The following ALDH1L1 variants were observed in gnomAD, a reference collection of about 807,000 sequenced individuals.
ALDH1L1 encodes cytosolic 10-formyltetrahydrofolate dehydrogenase.
ALDH1L1 carries 68 observed loss-of-function variants against 101.1 expected under a neutral mutation model. The observed-to-expected ratio is 0.67, with a 90% CI of 0.55 to 0.82. ALDH1L1 has a LOEUF of 0.82. Ranked by LOEUF, ALDH1L1 falls within the 40% of genes least tolerant of loss-of-function variation. ALDH1L1 has a pLI of 0.00. For missense variants in ALDH1L1, 1,087 were observed against 1,172.7 expected (o/e 0.93, Z 1.07); for synonymous variants, 486 against 470.8 (o/e 1.03, Z -0.42).
chr3:126,192,363 T>G lies in ALDH1L1; in HGVS notation c.-24+5372A>C, dbSNP rs1220142272. Reference sequence around the variant, plus strand: ...ATATTAGGATAATTTACATAAAGGTTTAGAATGATCGGTTTAGACTTTTAT... The same window carrying G: ...ATATTAGGATAATTTACATAAAGGTGTAGAATGATCGGTTTAGACTTTTAT... On this transcript the variant is annotated intron_variant, in intron 1 of 2. Coordinates refer to the ALDH1L1 transcript ENST00000509952. 2.0e-5 allele frequency among the ~76,000 whole-genome samples: 3 copies of G among 152,218 alleles called. No homozygotes were observed. In the East Asian group the frequency reaches 5.8e-4, roughly 29 times the overall value.
chr3:126,150,637 C>T (rs1559953994), intron 7 of ALDH1L1, 106 bp from the exon 8 acceptor site: 2 of 1,341,050 alleles, frequency 1.5e-6, no homozygotes, highest in Non-Finnish European at 2.0e-6. Context: ...TCACTACAAC[C>T]TCCGCCTCCC....
intron 20 of ALDH1L1, among the ~76,000 whole-genome samples, chr3:126,108,685 A>G (rs2108173105): frequency 6.6e-6 from 1 of 152,332 alleles, no homozygotes; most frequent in South Asian, 2.1e-4. Flanking sequence ...CTGTGAGCTG[A>G]AGAAGCAGGA....
intron 15 of ALDH1L1, among the ~76,000 whole-genome samples, chr3:126,125,272 G>C (rs1290369572): frequency 2.0e-5 from 3 of 152,206 alleles, no homozygotes; most frequent in Non-Finnish European, 4.4e-5. Context: ...CAGCTTTATG[G>C]ATAGACTACT....
At chr3:126,179,513 A>G (rs1431578185) in intron 1 of ALDH1L1, among the ~76,000 whole-genome samples, 1 of 151,902 alleles carries the variant, frequency 6.6e-6, no homozygotes, top group Non-Finnish European at 1.5e-5. Flanking sequence ...CAAACAAACA[A>G]ACAAACAGCA....
upstream of ALDH1L1, among the ~76,000 whole-genome samples, chr3:126,183,546 CCA>C (rs905781045): frequency 2.0e-5 from 3 of 152,106 alleles, no homozygotes; most frequent in Non-Finnish European, 4.4e-5. Context: ...CACTCTGGGG[CCA>C]GAGTCAGACT....
In ALDH1L1 at chr3:126,147,309, G is replaced by T. The variant is rs549413298; in HGVS notation, c.985-383C>A. ...GACCCCCACTCACCTTGGTGCTAGC[G>T]CCCAGGTTCTGGTGTCCCTAGTGTG... On this transcript the variant is annotated intron_variant, in intron 8 of 22. Coordinates refer to ENST00000393434, the MANE Select transcript of ALDH1L1 (RefSeq NM_012190.4). 1.3e-4 allele frequency among the ~76,000 whole-genome samples: 20 copies of T among 152,314 alleles called. No individual in the cohort carries two copies. In the East Asian group the frequency reaches 3.7e-3, roughly 28 times the overall value.
Position 126,103,835 on chromosome 3 carries a change from GAGCCGCCTCTCCTGTAAGAC to G in ALDH1L1, c.2654-9_2664del. 2 of 1,613,484 alleles carry G rather than the reference GAGCCGCCTCTCCTGTAAGAC, an allele frequency of 1.2e-6. No individual in the cohort carries two copies. Among genetic ancestry groups the G allele is most frequent in the Non-Finnish European group, 1.7e-6 (2 of 1,179,806 alleles). On this transcript the variant is annotated splice_acceptor_variant and splice_polypyrimidine_tract_variant and coding_sequence_variant and intron_variant, in exon 23 of 23. Coordinates refer to ENST00000393434, the MANE Select transcript of ALDH1L1 (RefSeq NM_012190.4). LOFTEE classifies it high-confidence loss of function. ...GTCTTGACCCGCAGGTACTCGTTCA[GAGCCGCCTCTCCTGTAAGAC>G]ACCACAAAGGTCACAGCAGCTCCCA...
chr3:126,180,527 C>T lies in ALDH1L1; in HGVS notation c.-75G>A, dbSNP rs1016544858. 2.1e-5 allele frequency: 21 copies of T among 1,021,404 alleles called. No individual in the cohort carries two copies. Among genetic ancestry groups the T allele is most frequent in the Non-Finnish European group, 2.3e-5 (20 of 851,524 alleles). The allele number at this position is 1,021,404 out of a possible 1,614,324, so 63.3% of individuals were successfully genotyped here. Reference sequence around the variant, plus strand: ...CCGGGCAGGTTAGACTTCTGTGAGCCGCAGCCCCGAAACTGAGGTTGGTGC... The same window carrying T: ...CCGGGCAGGTTAGACTTCTGTGAGCTGCAGCCCCGAAACTGAGGTTGGTGC... On this transcript the variant is annotated 5_prime_UTR_variant, in exon 1 of 23. Coordinates refer to ENST00000393434, the MANE Select transcript of ALDH1L1 (RefSeq NM_012190.4).
At position 126,154,541 on chromosome 3, in the gene ALDH1L1, T is replaced by G; in HGVS notation, c.720+13A>C. 6.2e-7 allele frequency: 1 copy of G among 1,613,512 alleles called. No homozygotes were observed. Among genetic ancestry groups the G allele is most frequent in the Non-Finnish European group, 8.5e-7 (1 of 1,179,438 alleles). On this transcript the variant is annotated intron_variant, in intron 6 of 22. Coordinates refer to ENST00000393434, the MANE Select transcript of ALDH1L1 (RefSeq NM_012190.4). ...AATGCACGTGGCTGGATTCCAGCCATGCAGGGACACACCTGTTCACAGGCC... is the reference window on the plus strand; with the variant it reads ...AATGCACGTGGCTGGATTCCAGCCAGGCAGGGACACACCTGTTCACAGGCC...
At chr3:126,144,865 AG>A (rs1431878654) in intron 9 of ALDH1L1, among the ~76,000 whole-genome samples, 4 of 152,380 alleles carry the variant, frequency 2.6e-5, no homozygotes, top group South Asian at 2.1e-4. Flanking sequence ...CAAAGTAAAA[AG>A]CTTCTGCAAA....
At chr3:126,185,497 G>C (rs1233890074), upstream of ALDH1L1, among the ~76,000 whole-genome samples, 1 of 152,244 alleles carries the variant, frequency 6.6e-6, no homozygotes, top group Non-Finnish European at 1.5e-5. Context: ...TCACCTGGGA[G>C]ATAAGGCCCA....
chr3:126,130,578 G>T (rs528221994), intron 13 of ALDH1L1, among the ~76,000 whole-genome samples: 47 of 152,344 alleles, frequency 3.1e-4, no homozygotes, highest in African/African-American at 1.1e-3. Context: ...AGGGCCGGGT[G>T]TCCCCCTCCC....
intron 1 of ALDH1L1, among the ~76,000 whole-genome samples, chr3:126,174,124 C>T (rs1302358897): frequency 1.3e-5 from 2 of 152,134 alleles, no homozygotes; most frequent in South Asian, 4.1e-4. Context: ...CTGCAACCTC[C>T]GCCTCCCGGG....
At chr3:126,132,163 G>C (rs2080323517) in intron 12 of ALDH1L1, among the ~76,000 whole-genome samples, 1 of 152,248 alleles carries the variant, frequency 6.6e-6, no homozygotes, top group Non-Finnish European at 1.5e-5. Context: ...TGGGAGTTAT[G>C]AGGGTGCCCC....
intron 9 of ALDH1L1, among the ~76,000 whole-genome samples, chr3:126,140,777 AAC>A (rs2080551305): frequency 6.6e-6 from 1 of 152,100 alleles, no homozygotes; most frequent in Non-Finnish European, 1.5e-5. Flanking sequence ...ACCCAGAAAT[AAC>A]TAAAAACATA....
At chr3:126,181,025 C>T (rs2081467632), upstream of ALDH1L1, 2 of 1,595,010 alleles carry the variant, frequency 1.3e-6, no homozygotes, top group South Asian at 1.1e-5. Context: ...TTTGCAGCCG[C>T]TTGCAGAGGC....
intron 9 of ALDH1L1, among the ~76,000 whole-genome samples, chr3:126,142,438 A>C (rs1406708090): frequency 6.6e-6 from 1 of 152,202 alleles, no homozygotes; most frequent in Non-Finnish European, 1.5e-5. Flanking sequence ...CTGATGCAAA[A>C]ATCCTCAACA....
chr3:126,141,538 C>T (rs756761899), intron 9 of ALDH1L1, among the ~76,000 whole-genome samples: 1 of 151,810 alleles, frequency 6.6e-6, no homozygotes, highest in Admixed American at 6.6e-5. Context: ...GACTAGAAAT[C>T]GATAACAGAA....
chr3:126,142,444 C>G (rs932422022), intron 9 of ALDH1L1, among the ~76,000 whole-genome samples: 3 of 152,172 alleles, frequency 2.0e-5, no homozygotes, highest in African/African-American at 7.2e-5. Flanking sequence ...CAAAAATCCT[C>G]AACAAAATAC....
Sources: allele counts gnomAD v4.1 joint callset (sites outside exome capture counted in the v4.1 genomes callset), GRCh38; gene constraint gnomAD v4.1.1; transcripts MANE v1.5; gene names NCBI Gene and HGNC (gene_info 2026-07-23, HGNC 2026-07-21).